TRIM2: variants seen among roughly 807,000 people sequenced by gnomAD.
TRIM2 encodes the protein tripartite motif-containing protein 2.
Under a neutral mutation model 75.2 loss-of-function variants are expected in TRIM2, and 20 were observed. The ratio of observed to expected loss-of-function variants is 0.27; its 90% confidence interval spans 0.19 to 0.39. The LOEUF is 0.39. Ranked by LOEUF, TRIM2 falls within the 10% of genes least tolerant of loss-of-function variation. The pLI, the probability that TRIM2 is intolerant of heterozygous loss-of-function variation, is 1.00. For synonymous variants in TRIM2, 373 were observed against 388.3 expected, an observed-to-expected ratio of 0.96 and a Z score of 0.46; for missense variants, 660 against 990.8, an observed-to-expected ratio of 0.67 and a Z score of 4.48.
At chr4:153,163,603 G>A (rs1729980401) in intron 1 of TRIM2, among the ~76,000 whole-genome samples, 1 of 141,962 alleles carries the variant, frequency 7.0e-6, no homozygotes, top group Admixed American at 7.7e-5. Flanking sequence ...CCAGGTTTAA[G>A]CAATTTTCCT....
intron 1 of TRIM2, among the ~76,000 whole-genome samples, chr4:153,183,636 C>T (rs1732294225): frequency 6.6e-6 from 1 of 152,166 alleles, no homozygotes; most frequent in African/African-American, 2.4e-5. Context: ...TGAGCAGAGG[C>T]TGAAACTCAT....
intron 1 of TRIM2, among the ~76,000 whole-genome samples, chr4:153,215,531 G>T (rs1041181826): frequency 9.9e-5 from 15 of 152,046 alleles, no homozygotes; most frequent in Admixed American, 7.9e-4. Flanking sequence ...ATTAGGGAGG[G>T]GTGCATCTGG....
At chr4:153,206,015 G>T (rs1487864826) in intron 1 of TRIM2, among the ~76,000 whole-genome samples, 1 of 152,232 alleles carries the variant, frequency 6.6e-6, no homozygotes, top group Non-Finnish European at 1.5e-5. Context: ...CCCAGGTGGG[G>T]TGGAGGCTCC....
intron 1 of TRIM2, among the ~76,000 whole-genome samples, chr4:153,226,652 T>C (rs1742204672): frequency 1.3e-5 from 2 of 152,214 alleles, no homozygotes; most frequent in Non-Finnish European, 2.9e-5. Context: ...GGCACAGAGT[T>C]GCTGACCTAC....
intron 6 of TRIM2, chr4:153,307,776 C>T (rs914104142): frequency 1.7e-5 from 12 of 699,822 alleles, no homozygotes; most frequent in Non-Finnish European, 1.6e-5. Flanking sequence ...CCATCTCCAC[C>T]ACACAGGTAC....
At chr4:153,328,356 G>A (rs1770700161) in intron 10 of TRIM2, among the ~76,000 whole-genome samples, 174 bp from the exon 11 acceptor site, 1 of 152,070 alleles carries the variant, frequency 6.6e-6, no homozygotes, top group Non-Finnish European at 1.5e-5. Context: ...ACAGTAATTT[G>A]GGGAACCACA....
intron 1 of TRIM2, among the ~76,000 whole-genome samples, chr4:153,167,558 A>G (rs1197497239): frequency 2.0e-5 from 3 of 152,228 alleles, no homozygotes; most frequent in Non-Finnish European, 4.4e-5. Context: ...CTCAGTTTTC[A>G]TGTTTGACTT....
chr4:153,187,649 G>A (rs528123007), intron 1 of TRIM2, among the ~76,000 whole-genome samples: 2 of 152,238 alleles, frequency 1.3e-5, no homozygotes, highest in Admixed American at 6.5e-5. Context: ...TGAGGGTCCA[G>A]TGAGGAGCCT....
At chr4:153,273,665 G>A (rs1757407760) in intron 2 of TRIM2, among the ~76,000 whole-genome samples, 1 of 152,074 alleles carries the variant, frequency 6.6e-6, no homozygotes, top group South Asian at 2.1e-4. Context: ...GCCAGACATA[G>A]CTGCTGGCCC....
intron 10 of TRIM2, among the ~76,000 whole-genome samples, chr4:153,326,760 C>G (rs572206455): frequency 3.3e-5 from 5 of 152,284 alleles, no homozygotes; most frequent in African/African-American, 1.2e-4. Flanking sequence ...GCGGACAGCT[C>G]ACCTGAGGTC....
rs1300905098 is a variant in TRIM2 at position 153,280,142 on chromosome 4, G to A, written c.453+4012G>A. On this transcript the variant is annotated intron_variant, in intron 3 of 11. Coordinates refer to ENST00000338700, the MANE Select transcript of TRIM2 (RefSeq NM_015271.5). ...AAAAAGAGTAATAAAATAAACATATGGAACATACACAAAGAAAGAAAAGAA... is the reference window on the plus strand; with the variant it reads ...AAAAAGAGTAATAAAATAAACATATAGAACATACACAAAGAAAGAAAAGAA... Among the ~76,000 whole-genome samples the A allele has an allele frequency of 7.3e-5, 9 of 123,140 alleles. No homozygotes were observed. The Admixed American group carries it at 8.3e-4, about 11-fold the overall frequency. The allele number at this position is 123,140 out of a possible 152,430, so 80.8% of individuals were successfully genotyped here. A position where few individuals can be genotyped will look rare whatever the true frequency, so the allele number is the denominator to read the frequency against.
In TRIM2 at chr4:153,279,438, C is replaced by T. The variant is rs1159190949; in HGVS notation, c.453+3308C>T. Among the ~76,000 whole-genome samples the T allele has an allele frequency of 2.7e-5, 4 of 146,838 alleles. No homozygotes were observed. In the South Asian group the frequency reaches 6.3e-4, roughly 23 times the overall value. On this transcript the variant is annotated intron_variant, in intron 3 of 11. Coordinates refer to ENST00000338700, the MANE Select transcript of TRIM2 (RefSeq NM_015271.5). ...ATGTTTATGGGGAAAAAACAAATCT[C>T]CTTTAAAAGTTAATAATTATTTAAT...
chr4:153,270,596 A>C (rs1756441701), intron 2 of TRIM2, 77 bp downstream of exon 2: 1 of 1,297,028 alleles, frequency 7.7e-7, no homozygotes, highest in Non-Finnish European at 1.0e-6. Flanking sequence ...TCTTTCCCAG[A>C]ATTCTACAGT....
intron 1 of TRIM2, among the ~76,000 whole-genome samples, chr4:153,227,617 T>C (rs1231170155): frequency 6.6e-6 from 1 of 152,202 alleles, no homozygotes. Flanking sequence ...ATTAGCCACA[T>C]TGAATGGGAT....
chr4:153,297,951 TTCATCA>T (rs534144237), intron 6 of TRIM2, among the ~76,000 whole-genome samples: 1 of 152,134 alleles, frequency 6.6e-6, no homozygotes, highest in African/African-American at 2.4e-5. Context: ...ACTCTTGTTA[TTCATCA>T]TCATCATCAT....
intron 2 of TRIM2, 21 bp downstream of exon 2, chr4:153,270,540 G>C: frequency 6.3e-7 from 1 of 1,577,662 alleles, no homozygotes; most frequent in Non-Finnish European, 8.6e-7. Flanking sequence ...TTTGTGCTTG[G>C]AGAAGGGAGT....
At chr4:153,307,944 A>C (rs1765387409) in intron 6 of TRIM2, 1 of 755,518 alleles carries the variant, frequency 1.3e-6, no homozygotes, top group Non-Finnish European at 2.5e-6. Context: ...GGAGTCGTAC[A>C]GCCGGTCAGC....
At position 153,207,472 on chromosome 4, in the gene TRIM2, A is replaced by G. The variant is rs1287769693; in HGVS notation, c.30+2912A>G. ...TAAGTCTGTATTCCTTCAGCCAAAT[A>G]ATGGGATGACAATCTGTTTCACTGG... On this transcript the variant is annotated intron_variant, in intron 1 of 11. Transcript: ENST00000338700. Among the ~76,000 whole-genome samples the G allele has an allele frequency of 3.3e-5, 5 of 152,214 alleles. No homozygotes were observed. In the East Asian group the frequency reaches 9.6e-4, roughly 29 times the overall value.
intron 1 of TRIM2, among the ~76,000 whole-genome samples, chr4:153,246,728 C>T (rs1194264882): frequency 6.6e-6 from 1 of 152,192 alleles, no homozygotes; most frequent in East Asian, 1.9e-4. Context: ...GGGTGCCTAG[C>T]ATTGGCCCTA....
Sources: gnomAD v4.1 joint callset for allele counts (sites outside exome capture counted in the v4.1 genomes callset) on GRCh38, gnomAD v4.1.1 for gene constraint, MANE v1.5 for transcripts, NCBI Gene and HGNC (gene_info 2026-07-23, HGNC 2026-07-21) for gene names.